LPP: variants seen among roughly 807,000 people sequenced by gnomAD.
The protein encoded by LPP is lipoma-preferred partner.
A neutral mutation model predicts 60.4 loss-of-function variants in LPP; 38 were observed. That is an observed-to-expected ratio of 0.63 (90% CI 0.49 to 0.83). The LOEUF (loss-of-function observed/expected upper bound fraction) is 0.83, where lower values mean the gene tolerates loss of function less well. Among genes scored for constraint, LPP ranks in the 40% least tolerant of loss-of-function variants. LPP has a pLI of 0.00. For missense variants in LPP, 902 were observed against 783.6 expected (o/e 1.15, Z -1.80); for synonymous variants, 328 against 290.8 (o/e 1.13, Z -1.30).
At chr3:188,421,627 A>G (rs537461426) in intron 4 of LPP, among the ~76,000 whole-genome samples, 53 of 152,320 alleles carry the variant, frequency 3.5e-4, no homozygotes, top group Admixed American at 2.7e-3. Flanking sequence ...ATAGCAATTA[A>G]TAACTGCAGA....
intron 9 of LPP, among the ~76,000 whole-genome samples, chr3:188,860,683 T>C (rs550333881): frequency 6.6e-6 from 1 of 152,262 alleles, no homozygotes; most frequent in East Asian, 1.9e-4. Context: ...ACCTGGACTT[T>C]ATTAATTCAT....
At chr3:188,584,490 C>A (rs1235977518) in intron 6 of LPP, 1 of 151,434 alleles carries the variant, frequency 6.6e-6, no homozygotes, top group Non-Finnish European at 1.5e-5. Flanking sequence ...AAAGTAAGCG[C>A]TTCTTTCCCA....
chr3:188,543,497 G>A (rs147591315), intron 6 of LPP, among the ~76,000 whole-genome samples: 183 of 152,272 alleles, frequency 1.2e-3, no homozygotes, highest in African/African-American at 4.3e-3. Flanking sequence ...ACGGGAGAAC[G>A]ATCAGCTTCC....
At chr3:188,560,238 G>C (rs1034332549) in intron 6 of LPP, among the ~76,000 whole-genome samples, 1 of 152,090 alleles carries the variant, frequency 6.6e-6, no homozygotes, top group Admixed American at 6.6e-5. Context: ...GGTCTCTGAC[G>C]CATCTCTGCT....
chr3:188,570,477 A>G (rs1317322559), intron 6 of LPP, among the ~76,000 whole-genome samples: 1 of 152,104 alleles, frequency 6.6e-6, no homozygotes, highest in African/African-American at 2.4e-5. Flanking sequence ...AGTAATTGCA[A>G]GGCATAAAAT....
At position 188,656,750 on chromosome 3, in the gene LPP, C is replaced by T. The variant is rs367658482; in HGVS notation, c.1113+46906C>T. ...TTCCTCCATTTGAAATGCAGGTTCT[C>T]TGAAGCCTTCTGGCTTGAAGGAATA... On this transcript the variant is annotated intron_variant, in intron 7 of 11. Coordinates refer to ENST00000617246, the MANE Select transcript of LPP (RefSeq NM_001375462.1). 5.3e-5 allele frequency among the ~76,000 whole-genome samples: 8 copies of T among 152,144 alleles called. No individual in the cohort carries two copies. The East Asian group carries it at 7.7e-4, about 15-fold the overall frequency.
At chr3:188,506,356 GC>G (rs1426960348) in intron 5 of LPP, among the ~76,000 whole-genome samples, 1 of 151,396 alleles carries the variant, frequency 6.6e-6, no homozygotes. Context: ...CAGAGTAAAG[GC>G]TACTATGAGT....
rs377738169 is a variant in LPP, at chr3:188,291,632, C to T, written c.-66-50031C>T. On this transcript the variant is annotated intron_variant, in intron 2 of 11. Transcript: ENST00000617246. ...CTGCACTCCAGCCTGGGCGACAGAG[C>T]GAGACTCTGTCTCAAAAAAAAAAAA... 4.8e-4 allele frequency among the ~76,000 whole-genome samples: 59 copies of T among 121,692 alleles called. 1 individual carries two copies. The East Asian group carries it at 7.6e-3, about 16-fold the overall frequency. 79.8% of individuals were successfully genotyped at this position (121,692 alleles called of 152,430 possible). A position where few individuals can be genotyped will look rare whatever the true frequency, so the allele number is the denominator to read the frequency against.
At chr3:188,478,436 ATACATGTACGTG>A (rs1490659351) in intron 4 of LPP, among the ~76,000 whole-genome samples, 1 of 152,092 alleles carries the variant, frequency 6.6e-6, no homozygotes, top group East Asian at 1.9e-4. Context: ...TTTTTCTAGT[ATACATGTACGTG>A]TACATATCTA....
At chr3:188,243,638 T>G (rs536544565) in intron 2 of LPP, among the ~76,000 whole-genome samples, 1 of 152,306 alleles carries the variant, frequency 6.6e-6, no homozygotes, top group East Asian at 1.9e-4. Context: ...GTCTATCACT[T>G]GCAGGCTATG....
intron 2 of LPP, among the ~76,000 whole-genome samples, chr3:188,332,630 CA>C (rs1760427949): frequency 6.6e-6 from 1 of 152,144 alleles, no homozygotes; most frequent in Non-Finnish European, 1.5e-5. Context: ...AGCCTCTATT[CA>C]AGATGCATGA....
At chr3:188,848,601 C>T (rs1344947736) in intron 9 of LPP, among the ~76,000 whole-genome samples, 1 of 152,236 alleles carries the variant, frequency 6.6e-6, no homozygotes, top group Non-Finnish European at 1.5e-5. Context: ...TTGGCATCAT[C>T]TAGTCCAACC....
chr3:188,652,305 T>C (rs1431942989), intron 7 of LPP, among the ~76,000 whole-genome samples: 1 of 152,192 alleles, frequency 6.6e-6, no homozygotes, highest in Non-Finnish European at 1.5e-5. Context: ...TATTAGACTG[T>C]CATAGGGCTC....
chr3:188,879,068 T>A lies in LPP; in HGVS notation c.*4589T>A. Reference sequence around the variant, plus strand: ...GTCCAGACAAGTTCAAAACTTGTTCTCAGTGAGGCATTAATATGGTGCAAC... The same window carrying A: ...GTCCAGACAAGTTCAAAACTTGTTCACAGTGAGGCATTAATATGGTGCAAC... On this transcript the variant is annotated 3_prime_UTR_variant, in exon 12 of 12. Coordinates refer to ENST00000617246, the MANE Select transcript of LPP (RefSeq NM_001375462.1). 4.4e-6 allele frequency: 1 copy of A among 228,252 alleles called. No individual in the cohort carries two copies. Among genetic ancestry groups the A allele is most frequent in the Non-Finnish European group, 8.7e-6 (1 of 114,892 alleles). The allele number at this position is 228,252 out of a possible 1,614,324, so 14.1% of individuals were successfully genotyped here. A position where few individuals can be genotyped will look rare whatever the true frequency, so the allele number is the denominator to read the frequency against.
At chr3:188,210,819 G>A (rs182367468) in intron 1 of LPP, among the ~76,000 whole-genome samples, 1 of 151,498 alleles carries the variant, frequency 6.6e-6, no homozygotes, top group East Asian at 1.9e-4. Flanking sequence ...TGCAGGAAGG[G>A]ACTCTGAGCT....
rs75280063 is a variant in LPP at position 188,609,600 on chromosome 3, C to A, written c.869C>A (p.Ala290Asp). The change falls in exon 7 of 12, where the codon GCC becomes GAC. Residue 290 changes from alanine (A) to aspartate (D), a missense_variant. By Grantham distance (126) the Ala-to-Asp change is moderately radical. Transcript: ENST00000617246. This position sits in a 1 kb window ranked among gnomAD's most constrained non-coding sequence, Gnocchi z 6.9. ...GLQPEPGYGYAPNQGRYYEGY... is the reference protein window; with the variant it reads ...GLQPEPGYGYDPNQGRYYEGY... Reference sequence around the variant, plus strand: ...CAGCCGGAGCCTGGGTATGGGTATGCCCCCAACCAGGGACGCTATTATGAA... The same window carrying A: ...CAGCCGGAGCCTGGGTATGGGTATGACCCCAACCAGGGACGCTATTATGAA... 5.0e-6 allele frequency: 8 copies of A among 1,614,030 alleles called. No individual in the cohort carries two copies. Among genetic ancestry groups the A allele is most frequent in the Non-Finnish European group, 6.8e-6 (8 of 1,180,040 alleles).
intron 1 of LPP, chr3:188,208,108 C>T (rs562414772): frequency 6.6e-6 from 1 of 152,358 alleles, no homozygotes; most frequent in African/African-American, 2.4e-5. Context: ...AAACAGACCT[C>T]ACTGGGCTCT....
intron 1 of LPP, among the ~76,000 whole-genome samples, chr3:188,208,570 A>G (rs1733907960): frequency 6.6e-6 from 1 of 152,204 alleles, no homozygotes; most frequent in Non-Finnish European, 1.5e-5. Flanking sequence ...GAGAGACTGG[A>G]GCCTGTGTTT....
chr3:188,375,997 T>C (rs1458599947), intron 3 of LPP, among the ~76,000 whole-genome samples: 2 of 152,188 alleles, frequency 1.3e-5, no homozygotes, highest in African/African-American at 4.8e-5. Context: ...TGTTCAGTTT[T>C]CACGTAGTTG....
Sources: allele counts gnomAD v4.1 joint callset (sites outside exome capture counted in the v4.1 genomes callset), GRCh38; gene constraint gnomAD v4.1.1; non-coding constraint Gnocchi (gnomAD v3.1); transcripts MANE v1.5; gene names NCBI Gene and HGNC (gene_info 2026-07-23, HGNC 2026-07-21).